Variants in LIMK1 observed in about 807,000 individuals in gnomAD.
The protein encoded by LIMK1 is LIM domain kinase 1, also known as LIM motif-containing protein kinase.
LIMK1 carries 21 observed loss-of-function variants against 77.6 expected under a neutral mutation model. That is an observed-to-expected ratio of 0.27 (90% CI 0.19 to 0.39). The LOEUF (loss-of-function observed/expected upper bound fraction) is 0.39. Ranked by LOEUF, LIMK1 falls within the 10% of genes least tolerant of loss-of-function variation. The pLI, the probability that LIMK1 is intolerant of heterozygous loss-of-function variation, is 1.00. For missense variants in LIMK1, 696 were observed against 901.6 expected (o/e 0.77, Z 2.92); for synonymous variants, 358 against 370.0 (o/e 0.97, Z 0.37).
At chr7:74,093,643 C>T (rs1554695119) in intron 2 of LIMK1, among the ~76,000 whole-genome samples, 1 of 152,182 alleles carries the variant, frequency 6.6e-6, no homozygotes, top group African/African-American at 2.4e-5. Context: ...CCTTTCATGC[C>T]CTCCGGGTGC....
intron 9 of LIMK1, 39 bp from the exon 10 acceptor site, chr7:74,108,866 C>T: frequency 1.2e-6 from 2 of 1,604,032 alleles, no homozygotes; most frequent in South Asian, 2.2e-5. Flanking sequence ...CAGCTGGGAC[C>T]ACACAGAGCC....
intron 12 of LIMK1, among the ~76,000 whole-genome samples, 171 bp downstream of exon 12, chr7:74,112,169 G>T (rs1190179479): frequency 4.6e-5 from 7 of 152,142 alleles, no homozygotes; most frequent in African/African-American, 1.7e-4. Context: ...GGGTCAGGAG[G>T]CAGACAGACC....
chr7:74,087,855 G>T (rs1799161393), intron 2 of LIMK1, among the ~76,000 whole-genome samples: 1 of 152,096 alleles, frequency 6.6e-6, no homozygotes, highest in Non-Finnish European at 1.5e-5. Flanking sequence ...CTCCCAAAAT[G>T]CTGGAATTAC....
At position 74,106,121 on chromosome 7, in the gene LIMK1, C is replaced by G; in HGVS notation, c.759C>G (p.Thr253=). 2.5e-6 allele frequency: 4 copies of G among 1,614,138 alleles called. No individual in the cohort carries two copies. The highest frequency in any genetic ancestry group is 3.4e-6 in the Non-Finnish European group (4 of 1,180,034). ...AAACCAGCCGCCTGCTCCAGCTGAC[C>G]CTCGAGCATGACCCTCACGATACAC... ...IQETSRLLQL[T]LEHDPHDTLG... The change falls in exon 7 of 16, where the codon ACC becomes ACG. Residue 253 remains threonine, a synonymous_variant. Coordinates refer to ENST00000336180, the MANE Select transcript of LIMK1 (RefSeq NM_002314.4).
rs145141416 is a variant in LIMK1, at chr7:74,108,943, C to T, written c.1191C>T (p.Leu397=). 3.7e-6 allele frequency: 6 copies of T among 1,614,050 alleles called. No individual in the cohort carries two copies. Among genetic ancestry groups the T allele is most frequent in the East Asian group, 4.5e-5 (2 of 44,850 alleles). ...VMRCLEHPNV[L]KFIGVLYKDK... Reference sequence around the variant, plus strand: ...GATGCCTGGAACACCCCAACGTGCTCAAGTTCATCGGGGTGCTCTACAAGG... The same window carrying T: ...GATGCCTGGAACACCCCAACGTGCTTAAGTTCATCGGGGTGCTCTACAAGG... The change falls in exon 10 of 16, where the codon CTC becomes CTT. Residue 397 remains leucine, a synonymous_variant. Coordinates refer to ENST00000336180, the MANE Select transcript of LIMK1 (RefSeq NM_002314.4).
At chr7:74,100,706 C>T (rs781977654) in intron 5 of LIMK1, among the ~76,000 whole-genome samples, 2 of 151,542 alleles carry the variant, frequency 1.3e-5, no homozygotes, top group Admixed American at 6.6e-5. Flanking sequence ...TGTGAGCCAC[C>T]GTGCCCGGCC....
Position 74,085,783 on chromosome 7 carries a change from A to G in LIMK1, c.91A>G (p.Arg31Gly). The G allele has an allele frequency of 6.4e-7, 1 of 1,563,688 alleles. No homozygotes were observed. Among genetic ancestry groups the G allele is most frequent in the Non-Finnish European group, 8.7e-7 (1 of 1,153,508 alleles). The change falls in exon 2 of 16, where the codon AGG becomes GGG. Residue 31 changes from arginine (R) to glycine (G), a missense_variant. Physicochemically the swap from Arg to Gly is moderately radical, Grantham distance 125 (BLOSUM62 -2). Coordinates refer to ENST00000336180, the MANE Select transcript of LIMK1 (RefSeq NM_002314.4). ...ELPVCASCGQRIYDGQYLQAL... is the reference protein window; with the variant it reads ...ELPVCASCGQGIYDGQYLQAL... ...GCCCGTGTGTGCAAGCTGCGGCCAG[A>G]GGATCTATGATGGCCAGTACCTCCA...
rs139614064 is a variant in LIMK1, at chr7:74,115,957, C to T, written c.1566C>T (p.Asn522=). The T allele has an allele frequency of 1.6e-4, 255 of 1,613,466 alleles. No homozygotes were observed. Among genetic ancestry groups the T allele is most frequent in the South Asian group, 3.2e-4 (29 of 91,074 alleles). Residue 522 remains asparagine (N), a splice_region_variant and synonymous_variant, in exon 13 of 16, where the codon AAC becomes AAT. Transcript: ENST00000336180. ...ACTGGATGGCACCTGAGATGATCAACGGTGAGTGGTTCAGCCCTGCCCATC... is the reference window on the plus strand; with the variant it reads ...ACTGGATGGCACCTGAGATGATCAATGGTGAGTGGTTCAGCCCTGCCCATC... ...NPYWMAPEMI[N]GRSYDEKVDV... is the part of the protein sequence containing the mutation.
chr7:74,084,726 G>C (rs1023435414), intron 1 of LIMK1, among the ~76,000 whole-genome samples: 1 of 152,036 alleles, frequency 6.6e-6, no homozygotes, highest in Admixed American at 6.5e-5. Context: ...CCTCACTGGG[G>C]CCCAAGGCGC....
chr7:74,089,537 G>A (rs1799198871), intron 2 of LIMK1, among the ~76,000 whole-genome samples: 1 of 152,052 alleles, frequency 6.6e-6, no homozygotes, highest in Admixed American at 6.6e-5. Flanking sequence ...AAAAAGACAG[G>A]GGCTTCGGGG....
At chr7:74,120,407 C>T (rs1429676710) in intron 13 of LIMK1, among the ~76,000 whole-genome samples, 176 bp from the exon 14 acceptor site, 3 of 152,204 alleles carry the variant, frequency 2.0e-5, no homozygotes, top group South Asian at 2.1e-4. Flanking sequence ...TTGCTCAGAC[C>T]TGGTGGGGTT....
intron 2 of LIMK1, 72 bp downstream of exon 2, chr7:74,085,916 TG>T: frequency 8.3e-7 from 1 of 1,204,496 alleles, no homozygotes. Flanking sequence ...GGTCAAGGAA[TG>T]GGGGAGGCCG....
intron 4 of LIMK1, among the ~76,000 whole-genome samples, chr7:74,098,358 A>T (rs1799377217): frequency 6.6e-6 from 1 of 152,190 alleles, no homozygotes; most frequent in African/African-American, 2.4e-5. Context: ...ACACTGATCA[A>T]GCTGGATTAG....
intron 1 of LIMK1, 125 bp downstream of exon 1, chr7:74,084,170 T>C (rs1408138911): frequency 8.3e-6 from 3 of 361,102 alleles, no homozygotes; most frequent in African/African-American, 2.2e-5. Flanking sequence ...AGCTCGTCCT[T>C]ACGAAGCCCG....
intron 2 of LIMK1, among the ~76,000 whole-genome samples, chr7:74,091,830 G>T (rs1401270665): frequency 1.3e-5 from 2 of 152,150 alleles, no homozygotes; most frequent in Admixed American, 6.6e-5. Flanking sequence ...ATGTGCAAAG[G>T]CCTTGGGGTG....
intron 4 of LIMK1, 22 bp downstream of exon 4, chr7:74,097,211 TGAGCCTAG>T: frequency 6.6e-7 from 1 of 1,515,534 alleles, no homozygotes; most frequent in Non-Finnish European, 9.0e-7. Context: ...GGCCCCTCCC[TGAGCCTAG>T]GAGGCCCACC....
At chr7:74,085,260 C>CCT (rs1799114176) in intron 1 of LIMK1, among the ~76,000 whole-genome samples, 1 of 152,244 alleles carries the variant, frequency 6.6e-6, no homozygotes, top group Non-Finnish European at 1.5e-5. Context: ...AGGGCCGGCA[C>CCT]CTCCAGGCTT....
intron 7 of LIMK1, 63 bp downstream of exon 7, chr7:74,106,306 T>C (rs1799573626): frequency 2.0e-6 from 3 of 1,533,284 alleles, no homozygotes; most frequent in Non-Finnish European, 2.6e-6. Context: ...TCAGGGGCTG[T>C]GGGACCTAGG....
rs1554696221 is a variant in LIMK1 at position 74,099,464 on chromosome 7, CCCACA to C, written c.608+229_608+233del. On this transcript the variant is annotated intron_variant, in intron 5 of 15. Transcript: ENST00000336180. ...AGACATTTTCAACCGGGCATGGTGGCCCACACCTGTAATCTCAGCACTTCGGGAGG... is the reference window on the plus strand; with the variant it reads ...AGACATTTTCAACCGGGCATGGTGGCCCTGTAATCTCAGCACTTCGGGAGG... Among the ~76,000 whole-genome samples, 35 of 152,350 alleles carry C rather than the reference CCCACA, an allele frequency of 2.3e-4. 1 individual carries two copies. Among genetic ancestry groups the C allele is most frequent in the South Asian group, 8.3e-4 (4 of 4,828 alleles).
Sources: gnomAD v4.1 joint callset for allele counts (sites outside exome capture counted in the v4.1 genomes callset) on GRCh38, gnomAD v4.1.1 for gene constraint, MANE v1.5 for transcripts, NCBI Gene and HGNC (gene_info 2026-07-23, HGNC 2026-07-21) for gene names.